The following ST8SIA4 variants were observed in gnomAD, a reference collection of about 807,000 sequenced individuals.
The protein encoded by ST8SIA4 is ST8 alpha-N-acetyl-neuraminide alpha-2,8-sialyltransferase 4.
Under a neutral mutation model 33.9 loss-of-function variants are expected in ST8SIA4, and 15 were observed. The observed-to-expected ratio is 0.44, with a 90% CI of 0.30 to 0.68. The LOEUF is 0.68. ST8SIA4 is among the 30% of genes least tolerant of loss of function. The probability of loss-of-function intolerance (pLI) is 0.10; values close to 1 mark genes in which losing one functional copy is unlikely to be tolerated. For missense variants in ST8SIA4, 321 were observed against 428.0 expected, an observed-to-expected ratio of 0.75 and a Z score of 2.21; for synonymous variants, 171 against 151.2, an observed-to-expected ratio of 1.13 and a Z score of -0.96.
At chr5:100,846,485 C>T (rs1440182389) in intron 4 of ST8SIA4, among the ~76,000 whole-genome samples, 2 of 151,924 alleles carry the variant, frequency 1.3e-5, no homozygotes, top group African/African-American at 4.8e-5. Context: ...AAACAATAGT[C>T]ATACATTATG....
chr5:100,812,834 G>T (rs1750841750), intron 4 of ST8SIA4, among the ~76,000 whole-genome samples: 1 of 152,194 alleles, frequency 6.6e-6, no homozygotes, highest in African/African-American at 2.4e-5. Context: ...CATCACTGCT[G>T]TCAAACATTG....
Position 100,815,420 on chromosome 5 carries a change from TCTTCCTTC to T in ST8SIA4, c.798-3299_798-3292del, listed in dbSNP as rs536259994. Among the ~76,000 whole-genome samples the T allele has an allele frequency of 1.6e-3, 239 of 151,478 alleles. 2 individuals are homozygous for T. Among genetic ancestry groups the T allele is most frequent in the Middle Eastern group, 6.8e-3 (2 of 294 alleles). ...TATTAATTTCCTTTCATCCTTCCTT[TCTTCCTTC>T]CTTCCTTCCTTCCTTCCCTCCTTTC... is the stretch of plus-strand genomic sequence containing the variant. On this transcript the variant is annotated intron_variant, in intron 4 of 4. Transcript: ENST00000231461.
intron 4 of ST8SIA4, among the ~76,000 whole-genome samples, chr5:100,818,847 A>C (rs948309455): frequency 6.6e-6 from 1 of 152,196 alleles, no homozygotes; most frequent in Non-Finnish European, 1.5e-5. Flanking sequence ...AATTCTATTC[A>C]GTACCGATGT....
At chr5:100,872,784 T>G (rs1752223489) in intron 3 of ST8SIA4, among the ~76,000 whole-genome samples, 1 of 151,656 alleles carries the variant, frequency 6.6e-6, no homozygotes, top group Admixed American at 6.6e-5. Context: ...ATTAGCAATG[T>G]GAGAATTGAC....
At position 100,856,384 on chromosome 5, in the gene ST8SIA4, A is replaced by G. The variant is rs746310084; in HGVS notation, c.516T>C (p.Ala172=). ...SHNFVIRCNL[A]PVVEFAADVG... Reference sequence around the variant, plus strand: ...CATCTGCAGCAAACTCCACCACAGGAGCTAGATTACACCTGAAGAGGAAAA... The same window carrying G: ...CATCTGCAGCAAACTCCACCACAGGGGCTAGATTACACCTGAAGAGGAAAA... Residue 172 remains alanine, a synonymous_variant, in exon 4 of 5, where the codon GCT becomes GCC. Coordinates refer to ENST00000231461, the MANE Select transcript of ST8SIA4 (RefSeq NM_005668.6). The G allele has an allele frequency of 1.2e-5, 19 of 1,613,124 alleles. No individual in the cohort carries two copies.
chr5:100,901,061 A>T (rs1752898937), intron 1 of ST8SIA4, among the ~76,000 whole-genome samples: 1 of 152,230 alleles, frequency 6.6e-6, no homozygotes, highest in Admixed American at 6.5e-5. Context: ...CTTAACGCCT[A>T]GGGCTGCGCC....
At chr5:100,843,063 T>G (rs1751501488) in intron 4 of ST8SIA4, among the ~76,000 whole-genome samples, 1 of 151,902 alleles carries the variant, frequency 6.6e-6, no homozygotes, top group African/African-American at 2.4e-5. Context: ...GCTCCTATTA[T>G]AAAGGCCAAT....
Position 100,886,373 on chromosome 5 carries a change from T to A in ST8SIA4, c.473A>T (p.Lys158Met), listed in dbSNP as rs1752537182. Reference protein sequence around the residue: ...SGILLDSECGKEIDSHNFVIR... With the variant: ...SGILLDSECGMEIDSHNFVIR... Reference sequence around the variant, plus strand: ...TACAAAATTGTGACTGTCAATCTCCTTTCCACATTCACTGTCTAACAGAAT... The same window carrying A: ...TACAAAATTGTGACTGTCAATCTCCATTCCACATTCACTGTCTAACAGAAT... The change falls in exon 3 of 5, where the codon AAG (lysine) becomes ATG (methionine). Residue 158 changes from lysine to methionine, a missense_variant. Transcript: ENST00000231461. 1 of 1,613,852 alleles carries A rather than the reference T, an allele frequency of 6.2e-7. No homozygotes were observed. Among genetic ancestry groups the A allele is most frequent in the East Asian group, 2.2e-5 (1 of 44,878 alleles).
intron 4 of ST8SIA4, among the ~76,000 whole-genome samples, chr5:100,816,318 C>T (rs1384574095): frequency 1.3e-5 from 2 of 152,018 alleles, no homozygotes; most frequent in African/African-American, 2.4e-5. Context: ...AATAATCACC[C>T]GATGAGTCAA....
intron 4 of ST8SIA4, among the ~76,000 whole-genome samples, chr5:100,841,704 T>C (rs1338312415): frequency 6.6e-6 from 1 of 151,898 alleles, no homozygotes; most frequent in Non-Finnish European, 1.5e-5. Context: ...CACCCTCCAC[T>C]GGTAACATAG....
chr5:100,876,332 T>C (rs1752304901), intron 3 of ST8SIA4, among the ~76,000 whole-genome samples: 1 of 152,082 alleles, frequency 6.6e-6, no homozygotes, highest in Admixed American at 6.6e-5. Flanking sequence ...CAATATTTTC[T>C]TTTATGCTCC....
chr5:100,866,479 CTA>C (rs775699483), intron 3 of ST8SIA4, among the ~76,000 whole-genome samples: 54 of 151,728 alleles, frequency 3.6e-4, no homozygotes, highest in Non-Finnish European at 4.7e-4. Flanking sequence ...AAAATAATGA[CTA>C]TGTGAAAAAT....
chr5:100,840,557 G>A (rs1004096301), intron 4 of ST8SIA4, among the ~76,000 whole-genome samples: 1 of 151,636 alleles, frequency 6.6e-6, no homozygotes, highest in Non-Finnish European at 1.5e-5. Context: ...AACATTGAGC[G>A]AGTTGCAAAA....
chr5:100,856,324 T>C lies in ST8SIA4; in HGVS notation c.576A>G (p.Pro192=). Residue 192 remains proline (P), a synonymous_variant, in exon 4 of 5, where the codon CCA becomes CCG. Coordinates refer to ENST00000231461, the MANE Select transcript of ST8SIA4 (RefSeq NM_005668.6). ...CTCCAAATGCTCTTTGTACAACTGA[T>C]GGATTCATGGTAATAAAATCTGATT... is the stretch of plus-strand genomic sequence containing the variant. ...GTKSDFITMN[P]SVVQRAFGGF... 1 of 1,614,056 alleles carries C rather than the reference T, an allele frequency of 6.2e-7. No homozygotes were observed. Among genetic ancestry groups the C allele is most frequent in the Non-Finnish European group, 8.5e-7 (1 of 1,179,978 alleles).
At chr5:100,852,600 A>G (rs895093616) in intron 4 of ST8SIA4, among the ~76,000 whole-genome samples, 6 of 152,136 alleles carry the variant, frequency 3.9e-5, no homozygotes, top group Non-Finnish European at 7.4e-5. Context: ...TCCCCATTAG[A>G]TTACTCTCTT....
chr5:100,848,145 C>T (rs1416273795), intron 4 of ST8SIA4, among the ~76,000 whole-genome samples: 1 of 151,636 alleles, frequency 6.6e-6, no homozygotes, highest in Non-Finnish European at 1.5e-5. Flanking sequence ...CAAACACCAA[C>T]AACAGAAATA....
chr5:100,830,086 G>T (rs77763822), intron 4 of ST8SIA4, among the ~76,000 whole-genome samples: 1 of 152,184 alleles, frequency 6.6e-6, no homozygotes, highest in African/African-American at 2.4e-5. Flanking sequence ...GGTCATAAAT[G>T]TGCCACACTG....
intron 4 of ST8SIA4, among the ~76,000 whole-genome samples, chr5:100,819,885 T>C (rs1751002321): frequency 6.6e-6 from 1 of 152,216 alleles, no homozygotes; most frequent in Admixed American, 6.5e-5. Flanking sequence ...TTTTAACTCA[T>C]ATTCAACACA....
At chr5:100,821,307 G>A (rs142612374) in intron 4 of ST8SIA4, among the ~76,000 whole-genome samples, 312 of 152,154 alleles carry the variant, frequency 2.1e-3, no homozygotes, top group Admixed American at 3.4e-3. Context: ...AGTAAAAATG[G>A]GTTAGATAGG....
Sources: allele counts gnomAD v4.1 joint callset (sites outside exome capture counted in the v4.1 genomes callset), GRCh38; gene constraint gnomAD v4.1.1; transcripts MANE v1.5; gene names NCBI Gene and HGNC (gene_info 2026-07-23, HGNC 2026-07-21).